RGL1: variants seen among roughly 807,000 people sequenced by gnomAD.
RGL1 encodes the protein ral guanine nucleotide dissociation stimulator-like 1.
In RGL1, 24 loss-of-function variants were observed where a neutral mutation model predicts 95.2. The observed-to-expected ratio is 0.25, with a 90% confidence interval of 0.18 to 0.35. The LOEUF is 0.35. RGL1 is among the 10% of genes least tolerant of loss of function. The pLI is 1.00. For missense variants in RGL1, 715 were observed against 936.3 expected (o/e 0.76, Z 3.08); for synonymous variants, 329 against 344.9 (o/e 0.95, Z 0.51).
At position 183,711,088 on chromosome 1, in the gene RGL1, A is replaced by G. The variant is rs918114480; in HGVS notation, c.-32-31038A>G. Among the ~76,000 whole-genome samples, 5 of 151,986 alleles carry G rather than the reference A, an allele frequency of 3.3e-5. No homozygotes were observed. In the East Asian group the frequency reaches 5.8e-4, roughly 18 times the overall value. ...CCTGCTCCTGGAGGTTGACCCCACA[A>G]CCTGTTATTGAGTCAGCCCTTTTAG... On this transcript the variant is annotated intron_variant, in intron 1 of 18. Coordinates refer to the RGL1 transcript ENST00000304685.
chr1:183,897,994 C>A, intron 10 of RGL1, 97 bp downstream of exon 10: 1 of 956,418 alleles, frequency 1.0e-6, no homozygotes. Context: ...GTCAACAGGG[C>A]ACCCAGGCTT....
intron 8 of RGL1, 37 bp downstream of exon 8, chr1:183,888,614 C>A (rs143268786): frequency 3.0e-6 from 4 of 1,348,948 alleles, no homozygotes; most frequent in African/African-American, 1.4e-5. Context: ...TTTCTTTGGC[C>A]GGGATAATTA....
rs1023792548 is a variant in RGL1, at chr1:183,928,219, CAT to C, written c.*1932_*1933del. ...CTGGTTGAGGGCGTGACCACCAAGA[CAT>C]ATATGTTGTGCCCGTGTTCATCCTG... On this transcript the variant is annotated 3_prime_UTR_variant, in exon 18 of 18. Transcript: ENST00000360851. 1.3e-5 allele frequency: 2 copies of C among 151,082 alleles called. No homozygotes were observed. Among genetic ancestry groups the C allele is most frequent in the African/African-American group, 4.9e-5 (2 of 40,932 alleles). The allele number at this position is 151,082 out of a possible 1,614,324, so 9.4% of individuals were successfully genotyped here.
At chr1:183,878,399 C>T (rs1274201895) in intron 4 of RGL1, among the ~76,000 whole-genome samples, 4 of 151,944 alleles carry the variant, frequency 2.6e-5, no homozygotes, top group East Asian at 1.9e-4. Flanking sequence ...GGTTTCGCCA[C>T]GTTGCCCTAG....
At chr1:183,842,642 C>T (rs913082558) in intron 2 of RGL1, among the ~76,000 whole-genome samples, 3 of 152,252 alleles carry the variant, frequency 2.0e-5, no homozygotes, top group Admixed American at 6.5e-5. Flanking sequence ...GTCACAGTAC[C>T]GTGATCTTGT....
chr1:183,868,381 A>G (rs566077196), intron 4 of RGL1, among the ~76,000 whole-genome samples: 7 of 152,214 alleles, frequency 4.6e-5, no homozygotes, highest in South Asian at 4.2e-4. Flanking sequence ...GGGAAACAAT[A>G]TAATCTAAAA....
At chr1:183,841,818 T>C (rs2102519502) in intron 2 of RGL1, among the ~76,000 whole-genome samples, 1 of 152,320 alleles carries the variant, frequency 6.6e-6, no homozygotes. Context: ...TGGGTTTTCC[T>C]ATACAGGTGG....
intron 1 of RGL1, among the ~76,000 whole-genome samples, chr1:183,661,495 A>G (rs1651623866): frequency 1.3e-5 from 2 of 152,348 alleles, no homozygotes; most frequent in South Asian, 4.1e-4. Context: ...ACACCTTCCC[A>G]AGACTAAACC....
intron 1 of RGL1, among the ~76,000 whole-genome samples, chr1:183,706,447 G>A (rs1481342519): frequency 1.3e-5 from 2 of 152,222 alleles, no homozygotes; most frequent in Non-Finnish European, 2.9e-5. Context: ...TTGCCGGGGT[G>A]TCTGTTCCAG....
chr1:183,728,203 T>C (rs1572338549), intron 1 of RGL1, among the ~76,000 whole-genome samples: 1 of 152,188 alleles, frequency 6.6e-6, no homozygotes, highest in African/African-American at 2.4e-5. Context: ...TCAGTTCTAC[T>C]GATTCTCAAG....
intron 2 of RGL1, among the ~76,000 whole-genome samples, chr1:183,795,756 A>T (rs1441443995): frequency 1.3e-5 from 2 of 152,192 alleles, no homozygotes; most frequent in African/African-American, 4.8e-5. Flanking sequence ...TGTGTGGAGG[A>T]TAAATTAAAG....
At chr1:183,859,412 A>G (rs763103471) in intron 3 of RGL1, among the ~76,000 whole-genome samples, 1 of 151,868 alleles carries the variant, frequency 6.6e-6, no homozygotes, top group African/African-American at 2.4e-5. Context: ...CTTTTCTTGA[A>G]CTCCTCTTTA....
chr1:183,808,461 A>G (rs1465696711), intron 2 of RGL1, among the ~76,000 whole-genome samples: 1 of 152,144 alleles, frequency 6.6e-6, no homozygotes, highest in Non-Finnish European at 1.5e-5. Flanking sequence ...GGGGCTCTCC[A>G]GCTCTAATCT....
chr1:183,714,366 A>G (rs1215490678), intron 1 of RGL1, among the ~76,000 whole-genome samples: 2 of 152,182 alleles, frequency 1.3e-5, no homozygotes, highest in Non-Finnish European at 2.9e-5. Flanking sequence ...CTGAGGACTA[A>G]TTTAGTATAA....
In RGL1 at chr1:183,897,797, CT is replaced by C. The variant is rs1667788403; in HGVS notation, c.1141-10del. 14 of 1,607,118 alleles carry C rather than the reference CT, an allele frequency of 8.7e-6. No homozygotes were observed. The highest frequency in any genetic ancestry group is 1.7e-5 in the Admixed American group (1 of 59,972). On this transcript the variant is annotated splice_polypyrimidine_tract_variant and intron_variant, in intron 9 of 17. Transcript: ENST00000360851. ...GTATCAATTCCCTCTGTGTGCATTT[CT>C]GTTTCTCAGGAAGGAACCTCAAAAT...
At chr1:183,888,606 T>C (rs781005277) in intron 8 of RGL1, 29 bp downstream of exon 8, 8 of 1,430,268 alleles carry the variant, frequency 5.6e-6, no homozygotes, top group Non-Finnish European at 3.9e-6. Flanking sequence ...GCTCTGCTTT[T>C]CTTTGGCCGG....
At chr1:183,783,049 G>C (rs1431235989) in intron 2 of RGL1, among the ~76,000 whole-genome samples, 1 of 152,172 alleles carries the variant, frequency 6.6e-6, no homozygotes, top group Non-Finnish European at 1.5e-5. Flanking sequence ...GGGGAGGGTA[G>C]AGCTGCATTC....
At chr1:183,844,491 G>A (rs1400649730) in intron 2 of RGL1, among the ~76,000 whole-genome samples, 2 of 152,258 alleles carry the variant, frequency 1.3e-5, no homozygotes, top group East Asian at 1.9e-4. Context: ...GAATAACACC[G>A]TTGGCATATG....
intron 1 of RGL1, among the ~76,000 whole-genome samples, chr1:183,684,132 A>AGTTTGTTATTACCC (rs1330250982): frequency 2.6e-5 from 4 of 151,822 alleles, no homozygotes; most frequent in Admixed American, 6.6e-5. Context: ...AGCTTGGAGG[A>AGTTTGTTATTACCC]GTTTGTTATT....
Sources: allele counts gnomAD v4.1 joint callset (sites outside exome capture counted in the v4.1 genomes callset), GRCh38; gene constraint gnomAD v4.1.1; transcripts MANE v1.5; gene names NCBI Gene and HGNC (gene_info 2026-07-23, HGNC 2026-07-21).